INPP5A: variants seen among roughly 807,000 people sequenced by gnomAD.
The protein encoded by INPP5A is inositol polyphosphate-5-phosphatase A.
Under a neutral mutation model 65.2 loss-of-function variants are expected in INPP5A, and 14 were observed. The observed-to-expected ratio is 0.21, with a 90% CI of 0.14 to 0.34. INPP5A has a LOEUF of 0.34. Ranked by LOEUF, INPP5A falls within the 10% of genes least tolerant of loss-of-function variation. INPP5A has a pLI of 1.00. For missense variants in INPP5A, 431 were observed against 545.6 expected, an observed-to-expected ratio of 0.79 and a Z score of 2.09; for synonymous variants, 207 against 208.3, an observed-to-expected ratio of 0.99 and a Z score of 0.05.
At chr10:132,710,298 C>A in intron 7 of INPP5A, 39 bp from the exon 8 acceptor site, 1 of 1,605,750 alleles carries the variant, frequency 6.2e-7, no homozygotes, top group Non-Finnish European at 8.5e-7. Flanking sequence ...CCGGAGGCTC[C>A]GGCCCTTGGT....
Position 132,587,434 on chromosome 10 carries a change from C to G in INPP5A, c.76-20481C>G, listed in dbSNP as rs2071558648. 6.6e-6 allele frequency among the ~76,000 whole-genome samples: 1 copy of G among 152,188 alleles called. No homozygotes were observed. The highest frequency in any genetic ancestry group is 2.4e-5 in the African/African-American group (1 of 41,440). On this transcript the variant is annotated intron_variant, in intron 1 of 15. Transcript: ENST00000368594. This position sits in a 1 kb window ranked among gnomAD's most constrained non-coding sequence, Gnocchi z 4.3. ...GGGCTGGCAGGGATCCTGGCATGGC[C>G]TGTGTGATTCGAGGTCAGAAATCAT... is the stretch of plus-strand genomic sequence containing the variant.
intron 11 of INPP5A, among the ~76,000 whole-genome samples, chr10:132,755,044 T>C (rs1406410444): frequency 6.6e-6 from 1 of 151,058 alleles, no homozygotes; most frequent in Non-Finnish European, 1.5e-5. Flanking sequence ...TGTGATCGTA[T>C]GCATGTGTGT....
chr10:132,552,430 G>T (rs1274404368), intron 1 of INPP5A, among the ~76,000 whole-genome samples: 1 of 141,526 alleles, frequency 7.1e-6, no homozygotes, highest in Non-Finnish European at 1.5e-5. Context: ...CAGAGCCTTG[G>T]TGGCATATTG....
rs778537476 is a variant in INPP5A, at chr10:132,710,294, G to A, written c.528-43G>A. On this transcript the variant is annotated intron_variant, in intron 7 of 15. Transcript: ENST00000368594. ...TGGGAGAACGAAGTGTGACCCGGAGGCTCCGGCCCTTGGTGACGTGTCCTT... is the reference window on the plus strand; with the variant it reads ...TGGGAGAACGAAGTGTGACCCGGAGACTCCGGCCCTTGGTGACGTGTCCTT... 1.5e-5 allele frequency: 24 copies of A among 1,603,510 alleles called. No homozygotes were observed. The South Asian group carries it at 2.0e-4, about 13-fold the overall frequency.
intron 1 of INPP5A, among the ~76,000 whole-genome samples, chr10:132,564,335 G>A (rs575172010): frequency 6.6e-6 from 1 of 152,268 alleles, no homozygotes; most frequent in East Asian, 1.9e-4. Flanking sequence ...CCTCCACCCC[G>A]ATTCAGGGAC....
At chr10:132,540,463 G>A (rs2070893271) in intron 1 of INPP5A, among the ~76,000 whole-genome samples, 1 of 152,262 alleles carries the variant, frequency 6.6e-6, no homozygotes, top group Non-Finnish European at 1.5e-5. Flanking sequence ...TCAGGGCTGA[G>A]TGGAAACTTA....
intron 8 of INPP5A, among the ~76,000 whole-genome samples, chr10:132,716,603 C>T (rs111921197): frequency 0.034 from 5,116 of 152,288 alleles, 278 homozygotes; most frequent in African/African-American, 0.11. Context: ...TGTGTCTCCA[C>T]TCCCGCTGGT....
intron 12 of INPP5A, among the ~76,000 whole-genome samples, chr10:132,767,681 C>T (rs1282065888): frequency 2.6e-5 from 4 of 152,190 alleles, no homozygotes; most frequent in Non-Finnish European, 5.9e-5. Context: ...CCAGAGAGCC[C>T]CTCGCGCCCA....
intron 1 of INPP5A, among the ~76,000 whole-genome samples, chr10:132,560,081 A>G (rs1223836633): frequency 2.0e-5 from 3 of 150,232 alleles, no homozygotes; most frequent in Non-Finnish European, 4.4e-5. Flanking sequence ...CTGCTTGTGG[A>G]ATTGCTGGGT....
chr10:132,635,424 C>G (rs1564943228), intron 2 of INPP5A, among the ~76,000 whole-genome samples: 1 of 68,960 alleles, frequency 1.5e-5, no homozygotes, highest in African/African-American at 5.8e-5. Context: ...GAGACGGAGT[C>G]TCGCTCTGTT....
chr10:132,637,771 G>T lies in INPP5A; in HGVS notation c.118-8097G>T, dbSNP rs2072376447. ...TTTAGTTTCGCATCTCTGATGTGAG[G>T]TGGTTTTTCATATTCTCGACTGCTT... On this transcript the variant is annotated intron_variant, in intron 2 of 15. Coordinates refer to ENST00000368594, the MANE Select transcript of INPP5A (RefSeq NM_005539.5). The surrounding 1 kb of genome is among the most constrained non-coding windows in gnomAD (Gnocchi z 4.1). Among the ~76,000 whole-genome samples, 1 of 152,138 alleles carries T rather than the reference G, an allele frequency of 6.6e-6. No homozygotes were observed. The highest frequency in any genetic ancestry group is 2.4e-5 in the African/African-American group (1 of 41,398).
intron 8 of INPP5A, among the ~76,000 whole-genome samples, chr10:132,719,773 T>G (rs1845827947): frequency 6.6e-6 from 1 of 150,714 alleles, no homozygotes; most frequent in Non-Finnish European, 1.5e-5. Context: ...TCTGTGTGCC[T>G]TAGACGGCTG....
In INPP5A at chr10:132,704,088, C is replaced by G. The variant is rs1845492670; in HGVS notation, c.475-4225C>G. ...GGGTTCTGAAGGCTTGGCCTGATCT[C>G]TGCTGCAGCATCTGGTTCCCAAAGC... On this transcript the variant is annotated intron_variant, in intron 6 of 15. Coordinates refer to ENST00000368594, the MANE Select transcript of INPP5A (RefSeq NM_005539.5). The surrounding 1 kb of genome is among the most constrained non-coding windows in gnomAD (Gnocchi z 4.5). 6.6e-6 allele frequency among the ~76,000 whole-genome samples: 1 copy of G among 151,834 alleles called. No homozygotes were observed. The highest frequency in any genetic ancestry group is 6.6e-5 in the Admixed American group (1 of 15,232).
chr10:132,770,914 C>T (rs982410189), intron 12 of INPP5A, among the ~76,000 whole-genome samples: 2 of 152,168 alleles, frequency 1.3e-5, no homozygotes, highest in Non-Finnish European at 2.9e-5. Flanking sequence ...GGAGGGGTCT[C>T]TGTGGTGGGG....
At chr10:132,672,503 T>G (rs886612910) in intron 4 of INPP5A, among the ~76,000 whole-genome samples, 2 of 152,146 alleles carry the variant, frequency 1.3e-5, no homozygotes, top group Non-Finnish European at 2.9e-5. Flanking sequence ...AAGAGGAGTT[T>G]CCCTGCACAA....
chr10:132,696,407 C>A (rs1369103177), intron 5 of INPP5A, among the ~76,000 whole-genome samples: 1 of 152,216 alleles, frequency 6.6e-6, no homozygotes, highest in Non-Finnish European at 1.5e-5. Flanking sequence ...CACTTCCTGA[C>A]TTCAAGACTT....
intron 2 of INPP5A, among the ~76,000 whole-genome samples, chr10:132,642,595 CCT>C (rs1296878862): frequency 2.0e-5 from 3 of 152,224 alleles, no homozygotes; most frequent in Non-Finnish European, 4.4e-5. Flanking sequence ...CCTCTCCTCC[CCT>C]GTCACTCCGG....
chr10:132,545,390 C>A lies in INPP5A; in HGVS notation c.75+7219C>A, dbSNP rs1045203878. Among the ~76,000 whole-genome samples the A allele has an allele frequency of 6.6e-6, 1 of 152,114 alleles. No homozygotes were observed. Among genetic ancestry groups the A allele is most frequent in the Non-Finnish European group, 1.5e-5 (1 of 68,018 alleles). ...TGAGGGGGCTGCCTACGGCAGGAGA[C>A]GGCAGGTCTCTCTGAGCTGTGGGGC... is the stretch of plus-strand genomic sequence containing the variant. On this transcript the variant is annotated intron_variant, in intron 1 of 15. Transcript: ENST00000368594. The surrounding 1 kb of genome is among the most constrained non-coding windows in gnomAD (Gnocchi z 4.6).
At chr10:132,767,491 C>T (rs1432396594) in intron 12 of INPP5A, among the ~76,000 whole-genome samples, 1 of 152,178 alleles carries the variant, frequency 6.6e-6, no homozygotes. Context: ...CCAGGCCTCT[C>T]GTCCTCCTCA....
Sources: allele counts gnomAD v4.1 joint callset (sites outside exome capture counted in the v4.1 genomes callset), GRCh38; gene constraint gnomAD v4.1.1; non-coding constraint Gnocchi (gnomAD v3.1); transcripts MANE v1.5; gene names NCBI Gene and HGNC (gene_info 2026-07-23, HGNC 2026-07-21).